The following FREM2 variants were observed in gnomAD, a reference collection of about 807,000 sequenced individuals.
The protein encoded by FREM2 is FRAS1-related extracellular matrix protein 2.
A neutral mutation model predicts 219.9 loss-of-function variants in FREM2; 119 were observed. The ratio of observed to expected loss-of-function variants is 0.54; its 90% CI spans 0.47 to 0.63. The LOEUF (loss-of-function observed/expected upper bound fraction) is 0.63, where lower values mean the gene tolerates loss of function less well. Among genes scored for constraint, FREM2 ranks in the 30% least tolerant of loss-of-function variants. FREM2 has a pLI of 0.00. For missense variants in FREM2, 4,030 were observed against 3,993.6 expected (o/e 1.01, Z -0.25); for synonymous variants, 1,562 against 1,522.8 (o/e 1.03, Z -0.60).
intron 2 of FREM2, among the ~76,000 whole-genome samples, chr13:38,740,911 T>C (rs544686946): frequency 6.6e-6 from 1 of 152,352 alleles, no homozygotes; most frequent in South Asian, 2.1e-4. Flanking sequence ...ATGAGGAAGA[T>C]AGTTTTTTCT....
Position 38,850,942 on chromosome 13 carries a change from A to G in FREM2, c.6578-2A>G. Reference sequence around the variant, plus strand: ...ATTGACCTGCTGACATTATTGTTCCAGGTGAGACAGAAAAGCCCTGCATTC... The same window carrying G: ...ATTGACCTGCTGACATTATTGTTCCGGGTGAGACAGAAAAGCCCTGCATTC... On this transcript the variant is annotated splice_acceptor_variant, in intron 9 of 23. Coordinates refer to ENST00000280481, the MANE Select transcript of FREM2 (RefSeq NM_207361.6). LOFTEE classifies it high-confidence loss of function. 6.2e-7 allele frequency: 1 copy of G among 1,611,300 alleles called. No homozygotes were observed. The highest frequency in any genetic ancestry group is 8.5e-7 in the Non-Finnish European group (1 of 1,179,842).
chr13:38,799,294 T>A (rs1285524055), intron 6 of FREM2, among the ~76,000 whole-genome samples: 2 of 152,038 alleles, frequency 1.3e-5, no homozygotes, highest in African/African-American at 2.4e-5. Context: ...TTTTGTTGAT[T>A]TCTAGTTTTA....
rs1448788797 is a variant in FREM2 at position 38,882,918 on chromosome 13, T to A, written c.*2131T>A. 6.6e-6 allele frequency: 1 copy of A among 152,204 alleles called. No homozygotes were observed. Among genetic ancestry groups the A allele is most frequent in the East Asian group, 1.9e-4 (1 of 5,196 alleles). 9.4% of individuals were successfully genotyped at this position (152,204 alleles called of 1,614,324 possible). ...ATGCAATTTGGAGTCTGTCAATGAA[T>A]ATAGCAATCGGTGAAGCATTACTGT... On this transcript the variant is annotated 3_prime_UTR_variant, in exon 24 of 24. Transcript: ENST00000280481.
At chr13:38,772,055 T>A (rs9548450) in intron 4 of FREM2, among the ~76,000 whole-genome samples, 43,345 of 151,876 alleles carry the variant, frequency 0.29, 7,579 homozygotes, top group Non-Finnish European at 0.4. Context: ...CCTTTTGTAC[T>A]CTCTCTCCAG....
chr13:38,812,607 A>C (rs1410744374), intron 6 of FREM2, among the ~76,000 whole-genome samples: 3 of 152,130 alleles, frequency 2.0e-5, no homozygotes, highest in Non-Finnish European at 4.4e-5. Context: ...TTGGCTGGGC[A>C]TGGAGGCTCA....
rs140492621 is a variant in FREM2, at chr13:38,873,804, C to A, written c.8177-678C>A. Among the ~76,000 whole-genome samples the A allele has an allele frequency of 4.4e-3, 674 of 152,228 alleles. 4 individuals are homozygous for A. Among genetic ancestry groups the A allele is most frequent in the African/African-American group, 0.016 (649 of 41,528 alleles). On this transcript the variant is annotated intron_variant, in intron 17 of 23. Transcript: ENST00000280481. The stretch of plus-strand genomic sequence containing the variant: ...AAGTGGATTAAAACCTATTTATGCT[C>A]TGTTCATTTTGTTGTTGTCTTTTTT...
rs148745800 is a variant in FREM2, at chr13:38,789,385, A to T, written c.6019+4577A>T. Among the ~76,000 whole-genome samples the T allele has an allele frequency of 1.6e-3, 241 of 151,890 alleles. 1 individual carries two copies. Among genetic ancestry groups the T allele is most frequent in the African/African-American group, 4.7e-3 (196 of 41,522 alleles). On this transcript the variant is annotated intron_variant, in intron 6 of 23. Coordinates refer to ENST00000280481, the MANE Select transcript of FREM2 (RefSeq NM_207361.6). ...TAATTATATTATCATAAAATTCTTA[A>T]AAGTCTCTATTGCATGTCTATTTAT...
intron 13 of FREM2, among the ~76,000 whole-genome samples, chr13:38,858,715 A>C (rs1877650572): frequency 6.6e-6 from 1 of 152,132 alleles, no homozygotes; most frequent in Non-Finnish European, 1.5e-5. Context: ...TTGGCGTCAA[A>C]GTATAGGGAG....
Position 38,852,764 on chromosome 13 carries a change from G to T in FREM2, c.6925+896G>T, listed in dbSNP as rs185234701. Among the ~76,000 whole-genome samples the T allele has an allele frequency of 1.1e-4, 17 of 150,914 alleles. No individual in the cohort carries two copies. In the East Asian group the frequency reaches 3.4e-3, roughly 30 times the overall value. On this transcript the variant is annotated intron_variant, in intron 11 of 23. Coordinates refer to ENST00000280481, the MANE Select transcript of FREM2 (RefSeq NM_207361.6). ...CTGTTGGCCAGGCTAGCATGCAGTGGCGTAATCACAGCTCACTGCAGTCTC... is the reference window on the plus strand; with the variant it reads ...CTGTTGGCCAGGCTAGCATGCAGTGTCGTAATCACAGCTCACTGCAGTCTC...
chr13:38,759,973 C>G (rs1292763620), intron 2 of FREM2, among the ~76,000 whole-genome samples: 1 of 152,190 alleles, frequency 6.6e-6, no homozygotes, highest in African/African-American at 2.4e-5. Context: ...TAAGTTACAG[C>G]TTGGTTCCTC....
intron 6 of FREM2, 83 bp downstream of exon 6, chr13:38,784,891 C>A: frequency 7.0e-7 from 1 of 1,431,202 alleles, no homozygotes; most frequent in Non-Finnish European, 9.7e-7. Context: ...AAATGGGAAT[C>A]TAAAACAATG....
chr13:38,878,440 G>GA, intron 22 of FREM2, 119 bp downstream of exon 22: 1 of 489,510 alleles, frequency 2.0e-6, no homozygotes, highest in Non-Finnish European at 3.7e-6. Context: ...CACTTTGGGA[G>GA]GCCAAGGTAG....
chr13:38,749,468 A>G (rs1872630988), intron 2 of FREM2, among the ~76,000 whole-genome samples: 1 of 152,226 alleles, frequency 6.6e-6, no homozygotes, highest in South Asian at 2.1e-4. Flanking sequence ...GTCAGATCAT[A>G]TGTTCATGTT....
intron 2 of FREM2, among the ~76,000 whole-genome samples, chr13:38,760,489 C>A (rs1873184431): frequency 6.6e-6 from 1 of 152,094 alleles, no homozygotes; most frequent in Non-Finnish European, 1.5e-5. Flanking sequence ...GGTTAAATAG[C>A]CCTTTAGTCA....
chr13:38,753,922 C>G (rs1418610959), intron 2 of FREM2, among the ~76,000 whole-genome samples: 1 of 151,892 alleles, frequency 6.6e-6, no homozygotes, highest in African/African-American at 2.4e-5. Flanking sequence ...CTTTTCCCCC[C>G]TTTTTGTTGC....
At chr13:38,769,490 T>C in intron 3 of FREM2, 88 bp from the exon 4 acceptor site, 1 of 1,217,106 alleles carries the variant, frequency 8.2e-7, no homozygotes, top group South Asian at 1.3e-5. Context: ...CTTTTCAGGA[T>C]AAAATGACAT....
At chr13:38,863,611 CTT>C (rs958839124) in intron 15 of FREM2, among the ~76,000 whole-genome samples, 2 of 152,058 alleles carry the variant, frequency 1.3e-5, no homozygotes, top group African/African-American at 4.8e-5. Context: ...TAATGTCTGA[CTT>C]AATAGAAGAT....
At chr13:38,698,876 T>C (rs890658680) in intron 2 of FREM2, among the ~76,000 whole-genome samples, 10 of 152,220 alleles carry the variant, frequency 6.6e-5, no homozygotes, top group African/African-American at 1.9e-4. Flanking sequence ...AAATGTGTTA[T>C]GTTGGGTTCA....
chr13:38,716,808 T>C (rs1347997619), intron 2 of FREM2, among the ~76,000 whole-genome samples: 1 of 152,292 alleles, frequency 6.6e-6, no homozygotes, highest in South Asian at 2.1e-4. Flanking sequence ...GCGCCTGGCC[T>C]GCTCTTTCTT....
Sources: allele counts gnomAD v4.1 joint callset (sites outside exome capture counted in the v4.1 genomes callset), GRCh38; gene constraint gnomAD v4.1.1; transcripts MANE v1.5; gene names NCBI Gene and HGNC (gene_info 2026-07-23, HGNC 2026-07-21).